Variants in SDK1 observed in about 807,000 individuals in gnomAD.
SDK1 encodes sidekick cell adhesion molecule 1, also known as protein sidekick-1.
A neutral mutation model predicts 245.5 loss-of-function variants in SDK1; 157 were observed. The observed-to-expected ratio is 0.64, with a 90% CI of 0.56 to 0.73. The LOEUF is 0.73. Ranked by LOEUF, SDK1 falls within the 30% of genes least tolerant of loss-of-function variation. The pLI is 0.00. For synonymous variants in SDK1, 1,647 were observed against 1,278.5 expected, an observed-to-expected ratio of 1.29 and a Z score of -6.15; for missense variants, 3,583 against 3,002.3, an observed-to-expected ratio of 1.19 and a Z score of -4.52.
intron 22 of SDK1, among the ~76,000 whole-genome samples, chr7:4,080,735 A>C (rs1781003180): frequency 6.6e-6 from 1 of 152,136 alleles, no homozygotes. Context: ...GAGGGATAGC[A>C]TTGGGAGATA....
At chr7:3,973,724 G>C (rs1261366846) in intron 12 of SDK1, among the ~76,000 whole-genome samples, 1 of 152,084 alleles carries the variant, frequency 6.6e-6, no homozygotes, top group Non-Finnish European at 1.5e-5. Context: ...TATGCCCGTG[G>C]TTCTACAGAC....
chr7:3,385,259 C>G (rs537478505), intron 1 of SDK1, among the ~76,000 whole-genome samples: 1 of 152,160 alleles, frequency 6.6e-6, no homozygotes, highest in South Asian at 2.1e-4. Context: ...TAGAAGACAT[C>G]AAAAACTTAT....
At chr7:4,143,287 G>A (rs937866170) in intron 28 of SDK1, among the ~76,000 whole-genome samples, 23 of 152,186 alleles carry the variant, frequency 1.5e-4, no homozygotes, top group African/African-American at 5.3e-4. Context: ...TAACTCTGTG[G>A]TCATACCGGC....
At chr7:4,144,623 G>T (rs582911) in intron 28 of SDK1, among the ~76,000 whole-genome samples, 2 of 152,032 alleles carry the variant, frequency 1.3e-5, no homozygotes, top group South Asian at 2.1e-4. Flanking sequence ...CTGTGAGCTC[G>T]GTCGTTCATG....
chr7:3,520,899 A>G (rs906804279), intron 1 of SDK1, among the ~76,000 whole-genome samples: 1 of 152,184 alleles, frequency 6.6e-6, no homozygotes, highest in African/African-American at 2.4e-5. Flanking sequence ...CCAGTTTAAA[A>G]CAACACTCAT....
Position 4,245,718 on chromosome 7 carries a change from C to G in SDK1, c.6294C>G (p.Asp2098Glu), listed in dbSNP as rs149119952. 5 of 1,614,084 alleles carry G rather than the reference C, an allele frequency of 3.1e-6. No homozygotes were observed. The East Asian group carries it at 8.9e-5, about 29-fold the overall frequency. The stretch of plus-strand genomic sequence containing the variant: ...GCCCCGGCGGCCTGCACTACTCAGA[C>G]GAGGACATCTGCAACAAGTACAACG... ...RPSPGGLHYS[D>E]EDICNKYNGA... is the part of the protein sequence containing the mutation. The change falls in exon 44 of 45, where the codon GAC becomes GAG. Residue 2098 changes from aspartate to glutamate, a missense_variant. By Grantham distance (45) the Asp-to-Glu change is conservative (BLOSUM62 2). Coordinates refer to ENST00000404826, the MANE Select transcript of SDK1 (RefSeq NM_152744.4).
chr7:3,332,360 T>G (rs1212804536), intron 1 of SDK1, among the ~76,000 whole-genome samples: 1 of 152,200 alleles, frequency 6.6e-6, no homozygotes, highest in Non-Finnish European at 1.5e-5. Context: ...TGTTCTCCCC[T>G]TATTCCTATT....
chr7:3,997,068 T>C (rs533410539), intron 14 of SDK1, among the ~76,000 whole-genome samples: 58 of 152,238 alleles, frequency 3.8e-4, no homozygotes, highest in Non-Finnish European at 6.5e-4. Context: ...AGAAAGTTCT[T>C]CCTGGCCCTT....
At position 3,374,564 on chromosome 7, in the gene SDK1, C is replaced by G. The variant is rs539932320; in HGVS notation, c.298+72680C>G. ...CTCCTTTGGCCACTATACAGGTCTT[C>G]CAATTTAACCTACACTATATTTTTA... On this transcript the variant is annotated intron_variant, in intron 1 of 44. Transcript: ENST00000404826. 1.4e-4 allele frequency among the ~76,000 whole-genome samples: 22 copies of G among 152,182 alleles called. No homozygotes were observed. In the South Asian group the frequency reaches 4.6e-3, roughly 32 times the overall value.
At chr7:3,324,985 T>C (rs950789912) in intron 1 of SDK1, among the ~76,000 whole-genome samples, 3 of 152,160 alleles carry the variant, frequency 2.0e-5, no homozygotes, top group Non-Finnish European at 4.4e-5. Flanking sequence ...AAGCCACATA[T>C]AGTGTGGTAG....
chr7:3,962,067 A>G (rs929967691), intron 8 of SDK1, among the ~76,000 whole-genome samples: 3 of 152,212 alleles, frequency 2.0e-5, no homozygotes, highest in African/African-American at 7.2e-5. Flanking sequence ...ACACACTCGC[A>G]TGAACACATG....
chr7:3,647,902 A>G (rs917752101), intron 4 of SDK1, among the ~76,000 whole-genome samples: 9 of 152,210 alleles, frequency 5.9e-5, no homozygotes, highest in Admixed American at 3.9e-4. Flanking sequence ...ACAAACCTCA[A>G]GGAAAAACGC....
intron 17 of SDK1, among the ~76,000 whole-genome samples, chr7:4,021,497 G>C (rs1432017745): frequency 6.6e-6 from 1 of 152,188 alleles, no homozygotes; most frequent in Non-Finnish European, 1.5e-5. Flanking sequence ...TCAGGGGGTT[G>C]GGCAGTAGGT....
At chr7:3,685,506 T>C (rs1245223625) in intron 4 of SDK1, among the ~76,000 whole-genome samples, 2 of 152,068 alleles carry the variant, frequency 1.3e-5, no homozygotes, top group Non-Finnish European at 1.5e-5. Flanking sequence ...ACCCGGACTT[T>C]AGAAAGAAAA....
chr7:3,473,425 G>T (rs1247760714), intron 1 of SDK1, among the ~76,000 whole-genome samples: 3 of 152,168 alleles, frequency 2.0e-5, no homozygotes, highest in African/African-American at 7.2e-5. Context: ...AATAATCCTT[G>T]TAGATGTGTG....
chr7:3,375,733 T>TGGGA (rs942121169), intron 1 of SDK1, among the ~76,000 whole-genome samples: 1 of 152,136 alleles, frequency 6.6e-6, no homozygotes, highest in Admixed American at 6.5e-5. Flanking sequence ...GTGAGCCATC[T>TGGGA]GGGAAGTGGA....
intron 1 of SDK1, among the ~76,000 whole-genome samples, chr7:3,610,274 A>G (rs1385223972): frequency 2.0e-5 from 3 of 152,230 alleles, no homozygotes; most frequent in Admixed American, 6.5e-5. Context: ...AAGGTAAATC[A>G]TATTTGAGAT....
In SDK1 at chr7:4,114,264, G is replaced by C. The variant is rs146559197; in HGVS notation, c.3813G>C (p.Thr1271=). 14 of 1,602,700 alleles carry C rather than the reference G, an allele frequency of 8.7e-6. No individual in the cohort carries two copies. The African/African-American group carries it at 1.7e-4, about 20-fold the overall frequency. The change falls in exon 25 of 45, where the codon ACG becomes ACC. Residue 1271 remains threonine, a synonymous_variant. Transcript: ENST00000404826. ...GGAGCGAGGTGGTGCGGGGCCGGAC[G>C]CGGGAGTCAGGTGAGGGGAAGGCGA... is the stretch of plus-strand genomic sequence containing the variant. ...GPWSEVVRGR[T]RESVPSAAPE... is the part of the protein sequence containing the mutation.
intron 10 of SDK1, among the ~76,000 whole-genome samples, chr7:3,968,013 C>G (rs1034635726): frequency 1.3e-5 from 2 of 152,264 alleles, no homozygotes; most frequent in African/African-American, 4.8e-5. Context: ...TCACTCTTCT[C>G]TATCCACGCC....
Sources: gnomAD v4.1 joint callset for allele counts (sites outside exome capture counted in the v4.1 genomes callset) on GRCh38, gnomAD v4.1.1 for gene constraint, MANE v1.5 for transcripts, NCBI Gene and HGNC (gene_info 2026-07-23, HGNC 2026-07-21) for gene names.